Variants in PSMD14 observed in about 807,000 individuals in gnomAD.
The protein encoded by PSMD14 is ubiquitin C-terminal hydrolase PSMD14.
PSMD14 carries 7 observed loss-of-function variants against 41.2 expected under a neutral mutation model. The ratio of observed to expected loss-of-function variants is 0.17; its 90% CI spans 0.10 to 0.32. The LOEUF is 0.32. Among genes scored for constraint, PSMD14 ranks in the 10% least tolerant of loss-of-function variants. The pLI is 1.00. For missense variants in PSMD14, 139 were observed against 375.6 expected (o/e 0.37, Z 5.21); for synonymous variants, 114 against 122.3 (o/e 0.93, Z 0.45).
At chr2:161,405,600 T>C (rs1175856617) in intron 10 of PSMD14, among the ~76,000 whole-genome samples, 2 of 152,200 alleles carry the variant, frequency 1.3e-5, no homozygotes, top group Non-Finnish European at 2.9e-5. Context: ...GTAGAAAAAC[T>C]AGTTTTAATG....
At chr2:161,344,899 A>G (rs986505108) in intron 3 of PSMD14, among the ~76,000 whole-genome samples, 36 of 152,252 alleles carry the variant, frequency 2.4e-4, no homozygotes, top group African/African-American at 6.5e-4. Context: ...ATGAAGTCCA[A>G]TGAATCAGTC....
intron 3 of PSMD14, among the ~76,000 whole-genome samples, chr2:161,333,182 T>C (rs544158432): frequency 6.6e-6 from 1 of 152,368 alleles, no homozygotes; most frequent in South Asian, 2.1e-4. Context: ...TGTATGTCTT[T>C]CCTTACTGTT....
chr2:161,381,651 A>G (rs1226378841), intron 7 of PSMD14: 2 of 151,902 alleles, frequency 1.3e-5, no homozygotes, highest in Non-Finnish European at 2.9e-5. Context: ...AATAAATAGC[A>G]TATTGGATGA....
intron 3 of PSMD14, among the ~76,000 whole-genome samples, chr2:161,333,807 C>T (rs1574119154): frequency 1.3e-5 from 2 of 152,060 alleles, no homozygotes; most frequent in Admixed American, 1.3e-4. Context: ...CCAAGGCAGG[C>T]GGATCACCAG....
chr2:161,409,932 C>T (rs1684001461), intron 11 of PSMD14, among the ~76,000 whole-genome samples: 1 of 151,526 alleles, frequency 6.6e-6, no homozygotes, highest in Admixed American at 6.6e-5. Context: ...ACTAGATCAC[C>T]AACTTGGAGC....
chr2:161,372,612 T>G (rs566632009), intron 7 of PSMD14, among the ~76,000 whole-genome samples: 2 of 151,936 alleles, frequency 1.3e-5, no homozygotes, highest in Non-Finnish European at 2.9e-5. Context: ...GCTATATGCC[T>G]ATATTTCAAT....
chr2:161,365,493 G>C (rs1308007783), intron 3 of PSMD14, among the ~76,000 whole-genome samples: 1 of 151,900 alleles, frequency 6.6e-6, no homozygotes, highest in African/African-American at 2.4e-5. Context: ...AATGCATTTT[G>C]GTGATGGTTT....
intron 3 of PSMD14, among the ~76,000 whole-genome samples, chr2:161,337,247 T>G (rs1370442671): frequency 6.6e-6 from 1 of 152,228 alleles, no homozygotes; most frequent in Non-Finnish European, 1.5e-5. Context: ...ATTTTATTCC[T>G]AAATTTAGTA....
At chr2:161,400,886 A>G (rs531299560) in intron 10 of PSMD14, among the ~76,000 whole-genome samples, 1 of 152,196 alleles carries the variant, frequency 6.6e-6, no homozygotes, top group Non-Finnish European at 1.5e-5. Context: ...TATGTCACAA[A>G]CGCATAAAAT....
intron 10 of PSMD14, among the ~76,000 whole-genome samples, chr2:161,405,698 C>T (rs189175671): frequency 6.6e-6 from 1 of 152,196 alleles, no homozygotes; most frequent in East Asian, 1.9e-4. Context: ...AATCCACTAG[C>T]AGTTATGCAT....
intron 3 of PSMD14, among the ~76,000 whole-genome samples, chr2:161,324,506 G>C (rs1175792029): frequency 6.6e-6 from 1 of 152,150 alleles, no homozygotes; most frequent in Non-Finnish European, 1.5e-5. Context: ...AGATACATAA[G>C]AAAATACTGG....
intron 3 of PSMD14, among the ~76,000 whole-genome samples, chr2:161,359,440 C>G (rs566152447): frequency 6.6e-6 from 1 of 152,014 alleles, no homozygotes. Flanking sequence ...GTCTCAAATG[C>G]TTTGTGTAAC....
intron 7 of PSMD14, among the ~76,000 whole-genome samples, chr2:161,373,359 G>C (rs1466159515): frequency 6.6e-6 from 1 of 151,764 alleles, no homozygotes; most frequent in Non-Finnish European, 1.5e-5. Context: ...TGGACCTAAT[G>C]TCTAGATTCA....
chr2:161,312,422 G>T (rs1418304151), intron 1 of PSMD14, among the ~76,000 whole-genome samples: 1 of 152,170 alleles, frequency 6.6e-6, no homozygotes, highest in Non-Finnish European at 1.5e-5. Flanking sequence ...GGGATTACAG[G>T]CATGAGCCAC....
intron 3 of PSMD14, among the ~76,000 whole-genome samples, chr2:161,331,705 T>C (rs1682793183): frequency 6.6e-6 from 1 of 152,146 alleles, no homozygotes; most frequent in African/African-American, 2.4e-5. Context: ...AACAAATGTA[T>C]GGATCTATAA....
intron 7 of PSMD14, among the ~76,000 whole-genome samples, chr2:161,372,522 T>G (rs1284183977): frequency 6.6e-6 from 1 of 152,036 alleles, no homozygotes; most frequent in Admixed American, 6.6e-5. Flanking sequence ...ATTTAGCTTT[T>G]CAGAGGCAAA....
chr2:161,328,375 G>T (rs1368738833), intron 3 of PSMD14, among the ~76,000 whole-genome samples: 1 of 152,054 alleles, frequency 6.6e-6, no homozygotes, highest in East Asian at 1.9e-4. Flanking sequence ...GAAAAATTCA[G>T]TTGTAAAAAG....
chr2:161,369,382 A>G (rs1174269840), intron 5 of PSMD14, among the ~76,000 whole-genome samples: 2 of 152,024 alleles, frequency 1.3e-5, no homozygotes, highest in Non-Finnish European at 2.9e-5. Flanking sequence ...CTTTTAAAGT[A>G]TATATATGAA....
intron 3 of PSMD14, among the ~76,000 whole-genome samples, chr2:161,348,435 A>G (rs911808778): frequency 6.6e-6 from 1 of 152,190 alleles, no homozygotes. Flanking sequence ...GATAGGTTGT[A>G]GTTTGGAGAT....
Sources: gnomAD v4.1 joint callset for allele counts (sites outside exome capture counted in the v4.1 genomes callset) on GRCh38, gnomAD v4.1.1 for gene constraint, MANE v1.5 for transcripts, NCBI Gene and HGNC (gene_info 2026-07-23, HGNC 2026-07-21) for gene names.